SLC25A21: variants seen among roughly 807,000 people sequenced by gnomAD.
SLC25A21 encodes the protein mitochondrial 2-oxodicarboxylate carrier.
SLC25A21 carries 47 observed loss-of-function variants against 43.8 expected under a neutral mutation model. The ratio of observed to expected loss-of-function variants is 1.07; its 90% CI spans 0.85 to 1.37. SLC25A21 has a LOEUF of 1.37. SLC25A21 is among the 40% of genes most tolerant of loss of function. The pLI is 0.00. For synonymous variants in SLC25A21, 131 were observed against 121.3 expected, an observed-to-expected ratio of 1.08 and a Z score of -0.52; for missense variants, 352 against 350.2, an observed-to-expected ratio of 1.00 and a Z score of -0.04.
At chr14:36,802,328 G>A (rs532821212) in intron 3 of SLC25A21, among the ~76,000 whole-genome samples, 2 of 152,142 alleles carry the variant, frequency 1.3e-5, no homozygotes, top group African/African-American at 4.8e-5. Flanking sequence ...CACTATAGGA[G>A]CCCCAAATAT....
chr14:36,781,274 A>T (rs1195689625), intron 3 of SLC25A21, among the ~76,000 whole-genome samples: 2 of 152,084 alleles, frequency 1.3e-5, no homozygotes, highest in East Asian at 3.8e-4. Flanking sequence ...TAGTTTTTTT[A>T]AATCCGTTCA....
intron 1 of SLC25A21, among the ~76,000 whole-genome samples, chr14:37,141,896 T>C (rs1302148169): frequency 1.3e-5 from 2 of 152,178 alleles, no homozygotes; most frequent in African/African-American, 4.8e-5. Flanking sequence ...GGCTGCACAT[T>C]GGACTCAGAT....
At chr14:36,815,090 G>A (rs113935951) in intron 2 of SLC25A21, among the ~76,000 whole-genome samples, 43 of 152,154 alleles carry the variant, frequency 2.8e-4, no homozygotes, top group African/African-American at 1.0e-3. Flanking sequence ...AACACTGCAT[G>A]TTCTCACTCA....
chr14:37,146,972 C>T (rs1963677000), intron 1 of SLC25A21, among the ~76,000 whole-genome samples: 1 of 152,194 alleles, frequency 6.6e-6, no homozygotes, highest in Non-Finnish European at 1.5e-5. Flanking sequence ...CTTAATGCCT[C>T]CTAATTCCCA....
chr14:36,971,175 C>T (rs1439570245), intron 1 of SLC25A21, among the ~76,000 whole-genome samples: 3 of 152,096 alleles, frequency 2.0e-5, no homozygotes, highest in Non-Finnish European at 4.4e-5. Context: ...TAGGCAGATA[C>T]TGAGGGGTAA....
At chr14:37,055,738 C>A (rs1961810743) in intron 1 of SLC25A21, among the ~76,000 whole-genome samples, 1 of 152,196 alleles carries the variant, frequency 6.6e-6, no homozygotes, top group African/African-American at 2.4e-5. Context: ...ATTGGAGACA[C>A]AGATTCCTAT....
intron 1 of SLC25A21, among the ~76,000 whole-genome samples, chr14:36,960,661 CATT>C (rs910974494): frequency 2.6e-5 from 4 of 152,118 alleles, no homozygotes; most frequent in African/African-American, 9.7e-5. Context: ...AAGGTGGTCT[CATT>C]GTTATTCTCT....
chr14:36,818,868 C>T (rs2138455949), intron 2 of SLC25A21, among the ~76,000 whole-genome samples: 1 of 152,294 alleles, frequency 6.6e-6, no homozygotes, highest in African/African-American at 2.4e-5. Context: ...CTAACAAATT[C>T]TCTCTACTTA....
intron 1 of SLC25A21, among the ~76,000 whole-genome samples, chr14:36,948,308 A>C (rs1333815892): frequency 6.6e-6 from 1 of 152,200 alleles, no homozygotes; most frequent in Non-Finnish European, 1.5e-5. Context: ...GTTGGTATAT[A>C]GCTTTATTTA....
intron 7 of SLC25A21, among the ~76,000 whole-genome samples, chr14:36,695,608 C>G (rs1034596460): frequency 6.6e-6 from 1 of 152,118 alleles, no homozygotes; most frequent in African/African-American, 2.4e-5. Context: ...TTGTAGTTCT[C>G]CTTGAAGAGG....
chr14:36,884,818 G>C (rs930969145), intron 1 of SLC25A21, among the ~76,000 whole-genome samples: 2 of 151,904 alleles, frequency 1.3e-5, no homozygotes, highest in Admixed American at 1.3e-4. Context: ...CATTTTTAAT[G>C]GGGTATCTGT....
intron 1 of SLC25A21, among the ~76,000 whole-genome samples, chr14:36,947,795 T>C (rs1386853009): frequency 2.0e-5 from 3 of 152,154 alleles, no homozygotes; most frequent in African/African-American, 7.2e-5. Context: ...TGAAAGCATC[T>C]CAGGTTTTAT....
chr14:37,106,093 C>T lies in SLC25A21; in HGVS notation c.70+66188G>A, dbSNP rs187674628. Among the ~76,000 whole-genome samples, 5 of 152,128 alleles carry T rather than the reference C, an allele frequency of 3.3e-5. No individual in the cohort carries two copies. In the East Asian group the frequency reaches 9.7e-4, roughly 29 times the overall value. On this transcript the variant is annotated intron_variant, in intron 1 of 9. Coordinates refer to ENST00000331299, the MANE Select transcript of SLC25A21 (RefSeq NM_030631.4). ...GAGGATGTATGTCACCTCAGGACCA[C>T]TGTGATAATTGTGTTAACTGTACAA...
At chr14:36,750,180 A>T (rs146243942) in intron 3 of SLC25A21, among the ~76,000 whole-genome samples, 46 of 152,314 alleles carry the variant, frequency 3.0e-4, no homozygotes, top group African/African-American at 1.1e-3. Context: ...TCTAAGATCA[A>T]TCTCTTTCAC....
chr14:36,753,537 C>T (rs889662101), intron 3 of SLC25A21, among the ~76,000 whole-genome samples: 1 of 144,890 alleles, frequency 6.9e-6, no homozygotes, highest in African/African-American at 2.4e-5. Flanking sequence ...CATAGAGAAG[C>T]CATGATTTCA....
intron 1 of SLC25A21, among the ~76,000 whole-genome samples, chr14:37,124,399 G>A (rs1248646345): frequency 6.6e-6 from 1 of 151,854 alleles, no homozygotes; most frequent in African/African-American, 2.4e-5. Context: ...CAGCAGTTCT[G>A]TAAACAGAAG....
At chr14:36,858,778 C>A (rs1451707954) in intron 2 of SLC25A21, among the ~76,000 whole-genome samples, 1 of 152,166 alleles carries the variant, frequency 6.6e-6, no homozygotes, top group Non-Finnish European at 1.5e-5. Flanking sequence ...AGCATCTATA[C>A]AGGGACAGTT....
intron 1 of SLC25A21, among the ~76,000 whole-genome samples, chr14:37,122,255 T>G (rs1432669197): frequency 6.6e-6 from 1 of 152,216 alleles, no homozygotes; most frequent in Non-Finnish European, 1.5e-5. Context: ...GTTTAATCAG[T>G]TATACATCTA....
At chr14:36,986,264 T>G (rs1404449207) in intron 1 of SLC25A21, among the ~76,000 whole-genome samples, 1 of 152,154 alleles carries the variant, frequency 6.6e-6, no homozygotes, top group Non-Finnish European at 1.5e-5. Flanking sequence ...TATTTTCAAT[T>G]CCAATCCAAC....
Sources: allele counts gnomAD v4.1 joint callset (sites outside exome capture counted in the v4.1 genomes callset), GRCh38; gene constraint gnomAD v4.1.1; transcripts MANE v1.5; gene names NCBI Gene and HGNC (gene_info 2026-07-23, HGNC 2026-07-21).